The following CFTR variants were observed in gnomAD, a reference collection of about 807,000 sequenced individuals.
CFTR encodes CF transmembrane conductance regulator.
A neutral mutation model predicts 171.6 loss-of-function variants in CFTR; 181 were observed. The ratio of observed to expected loss-of-function variants is 1.05; its 90% CI spans 0.93 to 1.19. The LOEUF (loss-of-function observed/expected upper bound fraction) is 1.19. Among genes scored for constraint, CFTR ranks in the 50% most tolerant of loss-of-function variants. CFTR has a pLI of 0.00. For synonymous variants in CFTR, 583 were observed against 608.0 expected (o/e 0.96, Z 0.60); for missense variants, 1,968 against 1,734.7 (o/e 1.13, Z -2.39).
At chr7:117,548,548 A>G in intron 9 of CFTR, 93 bp from the exon 10 acceptor site, 2 of 1,548,702 alleles carry the variant, frequency 1.3e-6, no homozygotes. Context: ...TTTCAAACTA[A>G]TTGTACATAA....
intron 24 of CFTR, among the ~76,000 whole-genome samples, chr7:117,661,705 C>A (rs1405930314): frequency 6.6e-6 from 1 of 152,154 alleles, no homozygotes; most frequent in Non-Finnish European, 1.5e-5. Flanking sequence ...TGCCCAGGCT[C>A]CAATAATACT....
At chr7:117,603,852 T>C in intron 17 of CFTR, 70 bp downstream of exon 17, 2 of 1,567,096 alleles carry the variant, frequency 1.3e-6, no homozygotes, top group Non-Finnish European at 1.7e-6. Flanking sequence ...TTGTTGGTTT[T>C]CTAATGGCAG....
chr7:117,612,049 A>ATATG (rs1792413739), intron 20 of CFTR, among the ~76,000 whole-genome samples: 1 of 73,164 alleles, frequency 1.4e-5, no homozygotes, highest in Non-Finnish European at 2.8e-5. Context: ...ATATATATAT[A>ATATG]TATACATATA....
intron 11 of CFTR, among the ~76,000 whole-genome samples, chr7:117,573,630 A>G (rs1007218279): frequency 2.0e-5 from 3 of 152,180 alleles, no homozygotes; most frequent in Admixed American, 6.5e-5. Flanking sequence ...CCACATATTA[A>G]GAACTAATGA....
At position 117,535,254 on chromosome 7, in the gene CFTR, G is replaced by C; in HGVS notation, c.586G>C (p.Ala196Pro). 1 of 1,614,064 alleles carries C rather than the reference G, an allele frequency of 6.2e-7. No homozygotes were observed. Among genetic ancestry groups the C allele is most frequent in the South Asian group, 1.1e-5 (1 of 91,078 alleles). Reference protein sequence around the residue: ...NNLNKFDEGLALAHFVWIAPL... With the variant: ...NNLNKFDEGLPLAHFVWIAPL... Reference sequence around the variant, plus strand: ...CTGTGCTTTTATTTTCCAGGGACTTGCATTGGCACATTTCGTGTGGATCGC... The same window carrying C: ...CTGTGCTTTTATTTTCCAGGGACTTCCATTGGCACATTTCGTGTGGATCGC... Residue 196 changes from alanine to proline, a missense_variant, in exon 6 of 27, where the codon GCA (alanine) becomes CCA (proline). Transcript: ENST00000003084.
At chr7:117,663,047 G>A (rs1309130717) in intron 24 of CFTR, among the ~76,000 whole-genome samples, 1 of 152,122 alleles carries the variant, frequency 6.6e-6, no homozygotes, top group Admixed American at 6.6e-5. Context: ...TCTTGTGGTG[G>A]GAAGCAGTAG....
chr7:117,573,142 T>C (rs1221916065), intron 11 of CFTR, among the ~76,000 whole-genome samples: 5 of 152,124 alleles, frequency 3.3e-5, no homozygotes, highest in Non-Finnish European at 5.9e-5. Flanking sequence ...ATAAGCTTTA[T>C]ATTAGCAATT....
intron 22 of CFTR, among the ~76,000 whole-genome samples, chr7:117,628,845 T>C (rs1792695046): frequency 2.0e-5 from 3 of 152,108 alleles, no homozygotes; most frequent in Admixed American, 2.0e-4. Context: ...GTGAATACCA[T>C]AGGTAGCTGA....
intron 11 of CFTR, among the ~76,000 whole-genome samples, chr7:117,583,052 G>C (rs936017379): frequency 6.6e-6 from 1 of 152,044 alleles, no homozygotes; most frequent in African/African-American, 2.4e-5. Flanking sequence ...AAATGTTATA[G>C]ACACCTAAGA....
intron 9 of CFTR, 90 bp from the exon 10 acceptor site, chr7:117,548,550 TG>T (rs1799204604): frequency 6.4e-6 from 10 of 1,551,062 alleles, no homozygotes; most frequent in Non-Finnish European, 8.7e-6. Context: ...TCAAACTAAT[TG>T]TACATAAAAC....
chr7:117,601,797 A>C (rs1185359319), intron 15 of CFTR, among the ~76,000 whole-genome samples: 1 of 152,224 alleles, frequency 6.6e-6, no homozygotes, highest in Non-Finnish European at 1.5e-5. Flanking sequence ...TGAGAATGGA[A>C]TGCCAAATTG....
intron 1 of CFTR, 34 bp downstream of exon 1, chr7:117,480,181 A>G: frequency 1.9e-6 from 3 of 1,609,720 alleles, no homozygotes; most frequent in Non-Finnish European, 2.6e-6. Context: ...TCGGAAAGAC[A>G]CGTGCCCACG....
rs3034794 is a variant in CFTR, at chr7:117,548,333, G to GGTGTGTGTGTGT, written c.1210-287_1210-276dup. 9.9e-3 allele frequency among the ~76,000 whole-genome samples: 1,426 copies of GGTGTGTGTGTGT among 144,116 alleles called. 15 individuals carry two copies. Among genetic ancestry groups the GGTGTGTGTGTGT allele is most frequent in the African/African-American group, 0.02 (772 of 39,094 alleles). 94.5% of individuals were successfully genotyped at this position (144,116 alleles called of 152,430 possible). A position where few individuals can be genotyped will look rare whatever the true frequency, so the allele number is the denominator to read the frequency against. On this transcript the variant is annotated intron_variant, in intron 9 of 26. Coordinates refer to ENST00000003084, the MANE Select transcript of CFTR (RefSeq NM_000492.4). Reference sequence around the variant, plus strand: ...ATGTACCCCGCTTATAGGAGAAGAGGGTGTGTGTGTGTGTGTGTGTGTGTG... The same window carrying GGTGTGTGTGTGT: ...ATGTACCCCGCTTATAGGAGAAGAGGGTGTGTGTGTGTGTGTGTGTGTGTGTGTGTGTGTGTG...
chr7:117,543,764 T>G (rs558589716), intron 9 of CFTR, among the ~76,000 whole-genome samples: 1 of 152,320 alleles, frequency 6.6e-6, no homozygotes, highest in South Asian at 2.1e-4. Flanking sequence ...ACCTAAACTC[T>G]GGGCACCCCT....
At chr7:117,597,792 C>A in intron 15 of CFTR, among the ~76,000 whole-genome samples, 1 of 149,686 alleles carries the variant, frequency 6.7e-6, no homozygotes, top group Non-Finnish European at 1.5e-5. Context: ...CAAGCCTCTA[C>A]TGTTCTTCAC....
rs1793392982 is a variant in CFTR at position 117,666,989 on chromosome 7, A to G, written c.4324A>G (p.Ser1442Gly). 2 of 1,614,070 alleles carry G rather than the reference A, an allele frequency of 1.2e-6. No individual in the cohort carries two copies. Among genetic ancestry groups the G allele is most frequent in the Non-Finnish European group, 1.7e-6 (2 of 1,179,980 alleles). ...GAGGAGCCTCTTCCGGCAAGCCATC[A>G]GCCCCTCCGACAGGGTGAAGCTCTT... ...NERSLFRQAISPSDRVKLFPH... is the reference protein window; with the variant it reads ...NERSLFRQAIGPSDRVKLFPH... Residue 1442 changes from serine to glycine, a missense_variant, in exon 27 of 27, where the codon AGC (serine) becomes GGC (glycine). Physicochemically the swap from Ser to Gly is moderately conservative, Grantham distance 56 (BLOSUM62 0). Coordinates refer to ENST00000003084, the MANE Select transcript of CFTR (RefSeq NM_000492.4).
chr7:117,588,384 T>C (rs1791977452), intron 12 of CFTR, among the ~76,000 whole-genome samples: 3 of 152,156 alleles, frequency 2.0e-5, no homozygotes, highest in Admixed American at 2.0e-4. Context: ...CCAAGCATTT[T>C]AAAGCTGTCA....
chr7:117,596,176 C>T (rs535115740), intron 15 of CFTR, among the ~76,000 whole-genome samples: 767 of 2,142 alleles, frequency 0.36, 4 homozygotes, highest in African/African-American at 0.48. Flanking sequence ...ACTGGGGCTG[C>T]GGGTGCCTTG....
chr7:117,582,348 GCA>G (rs1378527855), intron 11 of CFTR, among the ~76,000 whole-genome samples: 1 of 152,108 alleles, frequency 6.6e-6, no homozygotes, highest in African/African-American at 2.4e-5. Flanking sequence ...ACCACTACAA[GCA>G]CAGTTTACAT....
Sources: allele counts gnomAD v4.1 joint callset (sites outside exome capture counted in the v4.1 genomes callset), GRCh38; gene constraint gnomAD v4.1.1; transcripts MANE v1.5; gene names NCBI Gene and HGNC (gene_info 2026-07-23, HGNC 2026-07-21).